Variants in NXN observed in about 807,000 individuals in gnomAD.
The protein encoded by NXN is nucleoredoxin, also known as nucleoredoxin 1.
A neutral mutation model predicts 48.6 loss-of-function variants in NXN; 16 were observed. The ratio of observed to expected loss-of-function variants is 0.33; its 90% CI spans 0.22 to 0.50. The LOEUF (loss-of-function observed/expected upper bound fraction) is 0.50, where lower values mean the gene tolerates loss of function less well. Ranked by LOEUF, NXN falls within the 20% of genes least tolerant of loss-of-function variation. NXN has a pLI of 0.98. For synonymous variants in NXN, 281 were observed against 269.6 expected (o/e 1.04, Z -0.41); for missense variants, 492 against 605.5 (o/e 0.81, Z 1.97).
chr17:876,663 A>G (rs982043032), intron 1 of NXN, among the ~76,000 whole-genome samples: 1 of 152,192 alleles, frequency 6.6e-6, no homozygotes, highest in African/African-American at 2.4e-5. Context: ...CTTTCACACT[A>G]GAATACCATC....
intron 1 of NXN, among the ~76,000 whole-genome samples, chr17:964,468 C>T (rs2069278900): frequency 6.6e-6 from 1 of 152,164 alleles, no homozygotes; most frequent in Non-Finnish European, 1.5e-5. Flanking sequence ...AATATGTTCA[C>T]GTGGTATTAA....
chr17:899,050 C>T (rs796491566), intron 1 of NXN, among the ~76,000 whole-genome samples: 17 of 149,912 alleles, frequency 1.1e-4, no homozygotes, highest in African/African-American at 3.7e-4. Flanking sequence ...CTCTGCCTCC[C>T]GGGTTCAAGT....
intron 1 of NXN, among the ~76,000 whole-genome samples, chr17:855,343 C>T (rs1348977769): frequency 1.3e-5 from 2 of 152,080 alleles, no homozygotes; most frequent in Non-Finnish European, 2.9e-5. Flanking sequence ...CTTTGAATCC[C>T]CCGGGTCTGA....
chr17:906,320 T>C (rs577725449), intron 1 of NXN, among the ~76,000 whole-genome samples: 2 of 150,582 alleles, frequency 1.3e-5, no homozygotes, highest in Non-Finnish European at 3.0e-5. Flanking sequence ...TTTGAATGAC[T>C]GGCCTGGAAT....
intron 1 of NXN, among the ~76,000 whole-genome samples, chr17:841,624 G>A (rs897662918): frequency 1.8e-5 from 1 of 54,304 alleles, no homozygotes; most frequent in Non-Finnish European, 3.3e-5. Context: ...CATCTCACAC[G>A]GGCAAGCAGG....
At chr17:882,701 G>A (rs919304036) in intron 1 of NXN, among the ~76,000 whole-genome samples, 20 of 151,744 alleles carry the variant, frequency 1.3e-4, no homozygotes, top group Admixed American at 8.5e-4. Context: ...TCCTGACCTC[G>A]TGATCTGCCT....
rs116382827 is a variant in NXN at position 869,857 on chromosome 17, G to A, written c.361-43779C>T. Among the ~76,000 whole-genome samples the A allele has an allele frequency of 9.5e-3, 1,441 of 152,304 alleles. 32 individuals carry two copies. The highest frequency in any genetic ancestry group is 0.033 in the African/African-American group (1,380 of 41,556). On this transcript the variant is annotated intron_variant, in intron 1 of 7. Transcript: ENST00000336868. ...GAACCAGTTCTTTGCCTCTGATCTC[G>A]GTTAAGAACCGCTGACCTGCTGCCC... is the stretch of plus-strand genomic sequence containing the variant.
chr17:802,954 T>A (rs1372365550), intron 7 of NXN, among the ~76,000 whole-genome samples: 1 of 19,458 alleles, frequency 5.1e-5, no homozygotes, highest in Non-Finnish European at 1.0e-4. Context: ...TGGGGTGGGG[T>A]GGGGAGGTGG....
chr17:970,652 G>T (rs912571395), intron 1 of NXN, among the ~76,000 whole-genome samples: 1 of 152,174 alleles, frequency 6.6e-6, no homozygotes, highest in East Asian at 1.9e-4. Context: ...CGTTTGATGT[G>T]AGTATTTTTT....
rs2068721994 is a variant in NXN, at chr17:919,341, GAC to G, written c.360+59976_360+59977del. 6.6e-6 allele frequency among the ~76,000 whole-genome samples: 1 copy of G among 151,692 alleles called. No homozygotes were observed. The highest frequency in any genetic ancestry group is 2.4e-5 in the African/African-American group (1 of 41,368). On this transcript the variant is annotated intron_variant, in intron 1 of 7. Coordinates refer to ENST00000336868, the MANE Select transcript of NXN (RefSeq NM_022463.5). The surrounding 1 kb of genome is among the most constrained non-coding windows in gnomAD (Gnocchi z 5.1). ...TTGTGCCACTGTACTCCAGCCTGGT[GAC>G]AGAGTGAGACTCTGTCTCAAAACAA...
At position 958,107 on chromosome 17, in the gene NXN, C is replaced by A. The variant is rs2069192226; in HGVS notation, c.360+21212G>T. The stretch of plus-strand genomic sequence containing the variant: ...CTCCGTCTCAACTTTCCCCTTCCTT[C>A]CCACACGGCTATTTATATCTGGAAT... On this transcript the variant is annotated intron_variant, in intron 1 of 7. Coordinates refer to ENST00000336868, the MANE Select transcript of NXN (RefSeq NM_022463.5). The surrounding 1 kb of genome is among the most constrained non-coding windows in gnomAD (Gnocchi z 6.9). Among the ~76,000 whole-genome samples, 1 of 152,168 alleles carries A rather than the reference C, an allele frequency of 6.6e-6. No homozygotes were observed. The highest frequency in any genetic ancestry group is 1.5e-5 in the Non-Finnish European group (1 of 68,026).
At chr17:922,983 G>T (rs953971129) in intron 1 of NXN, among the ~76,000 whole-genome samples, 1 of 151,984 alleles carries the variant, frequency 6.6e-6, no homozygotes, top group African/African-American at 2.4e-5. Flanking sequence ...GCCGTGTGTG[G>T]CTCCCAGGGC....
intron 1 of NXN, among the ~76,000 whole-genome samples, chr17:928,708 C>T (rs1189846218): frequency 6.6e-6 from 1 of 152,054 alleles, no homozygotes; most frequent in Non-Finnish European, 1.5e-5. Context: ...TGGTGGTGGG[C>T]ACCTGTAATC....
At chr17:867,995 T>C (rs111930818) in intron 1 of NXN, among the ~76,000 whole-genome samples, 1 of 152,242 alleles carries the variant, frequency 6.6e-6, no homozygotes, top group South Asian at 2.1e-4. Flanking sequence ...TTGTTACTAA[T>C]GACCTTCAGA....
At chr17:891,020 G>A (rs1041700492) in intron 1 of NXN, among the ~76,000 whole-genome samples, 10 of 151,132 alleles carry the variant, frequency 6.6e-5, no homozygotes, top group African/African-American at 2.2e-4. Context: ...TCTATCTATC[G>A]GTCTGTCTGT....
In NXN at chr17:950,102, C is replaced by T. The variant is rs537028878; in HGVS notation, c.360+29217G>A. Among the ~76,000 whole-genome samples, 11 of 152,268 alleles carry T rather than the reference C, an allele frequency of 7.2e-5. No homozygotes were observed. The South Asian group carries it at 2.3e-3, about 32-fold the overall frequency. ...TAACTCTGAAGGCAGTTCCATCCACCTTACAAATTCGGTGCCCTGTGAATA... is the reference window on the plus strand; with the variant it reads ...TAACTCTGAAGGCAGTTCCATCCACTTTACAAATTCGGTGCCCTGTGAATA... On this transcript the variant is annotated intron_variant, in intron 1 of 7. Coordinates refer to ENST00000336868, the MANE Select transcript of NXN (RefSeq NM_022463.5).
At chr17:967,291 A>G (rs1447298531) in intron 1 of NXN, among the ~76,000 whole-genome samples, 1 of 152,222 alleles carries the variant, frequency 6.6e-6, no homozygotes, top group Non-Finnish European at 1.5e-5. Flanking sequence ...GAGGACAGGA[A>G]GCAGGCTCAG....
chr17:862,132 A>G (rs141744819), intron 1 of NXN, among the ~76,000 whole-genome samples: 2 of 152,118 alleles, frequency 1.3e-5, no homozygotes, highest in South Asian at 2.1e-4. Context: ...TGTTCAGCCA[A>G]TGAGGGGCTC....
At chr17:882,760 C>T (rs934569944) in intron 1 of NXN, among the ~76,000 whole-genome samples, 1 of 147,206 alleles carries the variant, frequency 6.8e-6, no homozygotes, top group African/African-American at 2.5e-5. Flanking sequence ...CCACCGCACC[C>T]GGCCTCTTTG....
Sources: allele counts gnomAD v4.1 joint callset (sites outside exome capture counted in the v4.1 genomes callset), GRCh38; gene constraint gnomAD v4.1.1; non-coding constraint Gnocchi (gnomAD v3.1); transcripts MANE v1.5; gene names NCBI Gene and HGNC (gene_info 2026-07-23, HGNC 2026-07-21).